NR3C2: variants seen among roughly 807,000 people sequenced by gnomAD.
NR3C2 encodes nuclear receptor subfamily 3 group C member 2.
Under a neutral mutation model 86.4 loss-of-function variants are expected in NR3C2, and 15 were observed. The observed-to-expected ratio is 0.17, with a 90% CI of 0.12 to 0.27. The LOEUF (loss-of-function observed/expected upper bound fraction) is 0.27, where lower values mean the gene tolerates loss of function less well. Among genes scored for constraint, NR3C2 ranks in the 10% least tolerant of loss-of-function variants. NR3C2 has a pLI of 1.00. For synonymous variants in NR3C2, 458 were observed against 450.5 expected (o/e 1.02, Z -0.21); for missense variants, 960 against 1,195.6 (o/e 0.80, Z 2.91).
chr4:148,394,951 G>T (rs1442805420), intron 2 of NR3C2, among the ~76,000 whole-genome samples: 1 of 152,052 alleles, frequency 6.6e-6, no homozygotes, highest in African/African-American at 2.4e-5. Flanking sequence ...AACTAAAGAC[G>T]AAATTGTTCA....
intron 6 of NR3C2, among the ~76,000 whole-genome samples, chr4:148,139,163 C>T (rs929494049): frequency 6.6e-6 from 1 of 152,062 alleles, no homozygotes; most frequent in Admixed American, 6.6e-5. Context: ...TGTCTGAAAC[C>T]ATCATTAGGC....
At chr4:148,315,566 GT>G (rs1276756198) in intron 2 of NR3C2, among the ~76,000 whole-genome samples, 1 of 152,062 alleles carries the variant, frequency 6.6e-6, no homozygotes, top group Non-Finnish European at 1.5e-5. Context: ...CTGCAAATTA[GT>G]TTTTTTAGAC....
intron 2 of NR3C2, among the ~76,000 whole-genome samples, chr4:148,381,327 G>A (rs1434660466): frequency 6.6e-6 from 1 of 152,136 alleles, no homozygotes; most frequent in African/African-American, 2.4e-5. Context: ...GTGTAAGTGA[G>A]CTAGCCCAGT....
intron 2 of NR3C2, among the ~76,000 whole-genome samples, chr4:148,427,711 G>A (rs540545566): frequency 6.6e-6 from 1 of 152,254 alleles, no homozygotes; most frequent in Non-Finnish European, 1.5e-5. Context: ...TGTCTTCAGG[G>A]ATGGGAACCC....
chr4:148,364,985 A>T lies in NR3C2; in HGVS notation c.1757+70119T>A, dbSNP rs1449008068. ...TTTTGTGCATGAAACAAAATAACGT[A>T]CACTAAGCCATTAGAAAGCAAAGGT... On this transcript the variant is annotated intron_variant, in intron 2 of 8. Transcript: ENST00000358102. Among the ~76,000 whole-genome samples, 5 of 152,342 alleles carry T rather than the reference A, an allele frequency of 3.3e-5. No homozygotes were observed. In the East Asian group the frequency reaches 9.6e-4, roughly 29 times the overall value.
At chr4:148,273,608 G>T (rs375949364) in intron 2 of NR3C2, among the ~76,000 whole-genome samples, 1 of 152,132 alleles carries the variant, frequency 6.6e-6, no homozygotes, top group African/African-American at 2.4e-5. Context: ...AGCCCCAGGG[G>T]TGCTGGCTGT....
intron 2 of NR3C2, among the ~76,000 whole-genome samples, chr4:148,269,880 G>A (rs964480626): frequency 6.6e-6 from 1 of 152,116 alleles, no homozygotes; most frequent in Non-Finnish European, 1.5e-5. Context: ...TAAATACAGT[G>A]GCTTTGCTTT....
chr4:148,261,968 C>T (rs575727330), intron 2 of NR3C2, among the ~76,000 whole-genome samples: 2 of 152,238 alleles, frequency 1.3e-5, no homozygotes, highest in East Asian at 1.9e-4. Context: ...AGTTGTTTCT[C>T]CTTCTGAGAA....
chr4:148,262,092 A>G (rs1047527549), intron 2 of NR3C2, among the ~76,000 whole-genome samples: 3 of 152,214 alleles, frequency 2.0e-5, no homozygotes, highest in African/African-American at 7.2e-5. Flanking sequence ...CTTAATCCAT[A>G]CCCTGTCTGA....
intron 2 of NR3C2, among the ~76,000 whole-genome samples, chr4:148,356,368 GGAA>G (rs1458979576): frequency 6.6e-6 from 1 of 152,068 alleles, no homozygotes; most frequent in Non-Finnish European, 1.5e-5. Context: ...TATATAAATT[GGAA>G]GAAAACTATA....
chr4:148,401,355 C>T (rs773537016), intron 2 of NR3C2, among the ~76,000 whole-genome samples: 5 of 151,962 alleles, frequency 3.3e-5, no homozygotes, highest in Non-Finnish European at 7.4e-5. Context: ...TGTGCTAAAA[C>T]ACTATATTTC....
rs1007305945 is a variant in NR3C2, at chr4:148,297,820, C to T, written c.1758-37703G>A. On this transcript the variant is annotated intron_variant, in intron 2 of 8. Coordinates refer to ENST00000358102, the MANE Select transcript of NR3C2 (RefSeq NM_000901.5). ...AGGAGAATTGCTTGAACCTGGGAGG[C>T]GGAGGTTGCAGTGAGCTGAGATTGC... is the stretch of plus-strand genomic sequence containing the variant. Among the ~76,000 whole-genome samples, 8 of 150,996 alleles carry T rather than the reference C, an allele frequency of 5.3e-5. No individual in the cohort carries two copies. In the East Asian group the frequency reaches 7.8e-4, roughly 15 times the overall value.
At chr4:148,183,437 AAC>A (rs1227774014) in intron 4 of NR3C2, among the ~76,000 whole-genome samples, 1 of 152,206 alleles carries the variant, frequency 6.6e-6, no homozygotes, top group African/African-American at 2.4e-5. Flanking sequence ...CACTCCCACC[AAC>A]AGTGTAAAAG....
intron 7 of NR3C2, among the ~76,000 whole-genome samples, chr4:148,119,785 C>CAAA (rs34625634): frequency 4.8e-4 from 58 of 122,078 alleles, no homozygotes; most frequent in Middle Eastern, 4.2e-3. Context: ...GACTTCATCT[C>CAAA]AAAAAAAAAA....
At chr4:148,211,484 T>C (rs1421886951) in intron 3 of NR3C2, among the ~76,000 whole-genome samples, 2 of 152,234 alleles carry the variant, frequency 1.3e-5, no homozygotes, top group Non-Finnish European at 2.9e-5. Context: ...GGAGGCTACT[T>C]ATGTATTTAT....
intron 6 of NR3C2, among the ~76,000 whole-genome samples, chr4:148,138,713 T>C (rs924431344): frequency 3.3e-5 from 5 of 152,210 alleles, no homozygotes; most frequent in Non-Finnish European, 5.9e-5. Context: ...ATAATTCTTA[T>C]GAAAGATGAT....
intron 8 of NR3C2, among the ~76,000 whole-genome samples, chr4:148,090,189 A>T (rs1045443232): frequency 6.6e-6 from 1 of 152,178 alleles, no homozygotes; most frequent in Non-Finnish European, 1.5e-5. Flanking sequence ...CAGTGAACAG[A>T]TCTCTCAAGG....
intron 3 of NR3C2, among the ~76,000 whole-genome samples, chr4:148,251,923 T>C (rs775140103): frequency 4.6e-5 from 7 of 152,112 alleles, no homozygotes; most frequent in Non-Finnish European, 7.3e-5. Flanking sequence ...TGCCCTACTT[T>C]TTGATGGGTA....
In NR3C2 at chr4:148,343,414, C is replaced by A. The variant is rs553380969; in HGVS notation, c.1758-83297G>T. Reference sequence around the variant, plus strand: ...CGGGATATCCGCCCCCCCGACCCCCCCTTTTTTTTAAATGTACTTAAACTT... The same window carrying A: ...CGGGATATCCGCCCCCCCGACCCCCACTTTTTTTTAAATGTACTTAAACTT... On this transcript the variant is annotated intron_variant, in intron 2 of 8. Coordinates refer to ENST00000358102, the MANE Select transcript of NR3C2 (RefSeq NM_000901.5). Among the ~76,000 whole-genome samples the A allele has an allele frequency of 4.6e-5, 7 of 151,922 alleles. No individual in the cohort carries two copies. In the East Asian group the frequency reaches 5.8e-4, roughly 13 times the overall value.
Sources: gnomAD v4.1 joint callset for allele counts (sites outside exome capture counted in the v4.1 genomes callset) on GRCh38, gnomAD v4.1.1 for gene constraint, MANE v1.5 for transcripts, NCBI Gene and HGNC (gene_info 2026-07-23, HGNC 2026-07-21) for gene names.